The following FOXP2 variants were observed in gnomAD, a reference collection of about 807,000 sequenced individuals.
FOXP2 encodes forkhead box P2, also known as forkhead box protein P2.
Under a neutral mutation model 115.8 loss-of-function variants are expected in FOXP2, and 12 were observed. The observed-to-expected ratio is 0.10, with a 90% CI of 0.07 to 0.17. FOXP2 has a LOEUF of 0.17. Among genes scored for constraint, FOXP2 ranks in the 10% least tolerant of loss-of-function variants. The pLI is 1.00. For missense variants in FOXP2, 629 were observed against 843.5 expected, an observed-to-expected ratio of 0.75 and a Z score of 3.15; for synonymous variants, 328 against 297.7, an observed-to-expected ratio of 1.10 and a Z score of -1.05.
intron 2 of FOXP2, among the ~76,000 whole-genome samples, chr7:114,400,723 G>A (rs1792867233): frequency 6.6e-6 from 1 of 152,028 alleles, no homozygotes; most frequent in African/African-American, 2.4e-5. Context: ...TTCACAATAG[G>A]GTTCACGTTC....
intron 2 of FOXP2, among the ~76,000 whole-genome samples, chr7:114,334,087 C>T (rs1797780612): frequency 6.6e-6 from 1 of 151,976 alleles, no homozygotes; most frequent in South Asian, 2.1e-4. Context: ...ATTTTTAAGT[C>T]TTGCATTGTA....
chr7:114,348,340 C>G (rs1224804840), intron 2 of FOXP2, among the ~76,000 whole-genome samples: 1 of 151,788 alleles, frequency 6.6e-6, no homozygotes, highest in Non-Finnish European at 1.5e-5. Flanking sequence ...TACTGTCTTT[C>G]CTCTACCTTC....
intron 2 of FOXP2, among the ~76,000 whole-genome samples, chr7:114,346,841 A>G (rs1462393124): frequency 2.0e-5 from 3 of 151,966 alleles, no homozygotes; most frequent in Non-Finnish European, 4.4e-5. Context: ...GGACAAAGCT[A>G]CAATGAGGAG....
rs180935816 is a variant in FOXP2 at position 114,601,114 on chromosome 7, C to A, written c.259-27426C>A. Among the ~76,000 whole-genome samples, 204 of 152,162 alleles carry A rather than the reference C, an allele frequency of 1.3e-3. 1 individual carries two copies. Among genetic ancestry groups the A allele is most frequent in the Non-Finnish European group, 2.0e-3 (133 of 67,996 alleles). On this transcript the variant is annotated intron_variant, in intron 3 of 16. Transcript: ENST00000350908. ...AAGTAGCTAGGATTACAAAAATGTG[C>A]ACCAGCACAACCAGCTAATTTTTGT...
chr7:114,276,233 G>T (rs757389618), intron 1 of FOXP2, among the ~76,000 whole-genome samples: 1 of 151,580 alleles, frequency 6.6e-6, no homozygotes, highest in Non-Finnish European at 1.5e-5. Flanking sequence ...ATCTCGGCTC[G>T]CTGTGAGCTC....
chr7:114,236,484 T>G lies in FOXP2; in HGVS notation c.-101-51535T>G, dbSNP rs1795009129. On this transcript the variant is annotated intron_variant, in intron 1 of 17. Coordinates refer to the FOXP2 transcript ENST00000634411. Reference sequence around the variant, plus strand: ...TCTGCCTAATATCATGTGATGCTTTTCTTCTACTTCGAATTGTAAATGTAT... The same window carrying G: ...TCTGCCTAATATCATGTGATGCTTTGCTTCTACTTCGAATTGTAAATGTAT... Among the ~76,000 whole-genome samples, 3 of 152,366 alleles carry G rather than the reference T, an allele frequency of 2.0e-5. No homozygotes were observed. The South Asian group carries it at 6.2e-4, about 32-fold the overall frequency.
chr7:114,693,152 A>C lies in FOXP2; in HGVS notation c.*3226A>C, dbSNP rs1197091436. On this transcript the variant is annotated 3_prime_UTR_variant, in exon 17 of 17. Transcript: ENST00000350908. Reference sequence around the variant, plus strand: ...GGCACAGTTGTACTATTTGAAAATCAATTAAAATTTTATGTGAATGTTACA... The same window carrying C: ...GGCACAGTTGTACTATTTGAAAATCCATTAAAATTTTATGTGAATGTTACA... 2 of 453,812 alleles carry C rather than the reference A, an allele frequency of 4.4e-6. No homozygotes were observed. The highest frequency in any genetic ancestry group is 4.7e-5 in the Admixed American group (2 of 42,548). The allele number at this position is 453,812 out of a possible 1,614,324, so 28.1% of individuals were successfully genotyped here.
intron 2 of FOXP2, among the ~76,000 whole-genome samples, chr7:114,373,320 G>T (rs1427353698): frequency 1.3e-5 from 2 of 151,954 alleles, no homozygotes; most frequent in African/African-American, 4.8e-5. Flanking sequence ...GCGCCCAGCC[G>T]AATCAAACTA....
chr7:114,458,211 T>C (rs1795403566), intron 2 of FOXP2, among the ~76,000 whole-genome samples: 1 of 152,122 alleles, frequency 6.6e-6, no homozygotes, highest in African/African-American at 2.4e-5. Context: ...AGAAAGGGAA[T>C]GTGTTGTTAA....
intron 1 of FOXP2, among the ~76,000 whole-genome samples, chr7:114,106,358 C>CTTTTT (rs199504822): frequency 1.4e-5 from 2 of 141,904 alleles, no homozygotes; most frequent in East Asian, 2.0e-4. Context: ...CTGTCCCCTC[C>CTTTTT]TTTTTTTTTT....
At chr7:114,393,438 A>T (rs1792657757) in intron 2 of FOXP2, among the ~76,000 whole-genome samples, 2 of 152,200 alleles carry the variant, frequency 1.3e-5, no homozygotes, top group South Asian at 4.2e-4. Flanking sequence ...AGGTGTATAC[A>T]AATGAGAGAT....
At chr7:114,246,475 T>G (rs1334416585) in intron 1 of FOXP2, among the ~76,000 whole-genome samples, 3 of 152,164 alleles carry the variant, frequency 2.0e-5, no homozygotes, top group Non-Finnish European at 2.9e-5. Context: ...ATTTATTAAT[T>G]TATTGTCCAG....
intron 2 of FOXP2, among the ~76,000 whole-genome samples, chr7:114,294,142 C>T (rs1796678086): frequency 6.6e-6 from 1 of 152,086 alleles, no homozygotes; most frequent in South Asian, 2.1e-4. Context: ...TTTAGATTCA[C>T]CTGGAATACT....
chr7:114,103,024 C>G (rs1309543935), intron 1 of FOXP2, among the ~76,000 whole-genome samples: 1 of 151,932 alleles, frequency 6.6e-6, no homozygotes, highest in African/African-American at 2.4e-5. Flanking sequence ...GTACAATGAC[C>G]AGCTGAATCT....
In FOXP2 at chr7:114,252,887, G is replaced by C. The variant is rs573596114; in HGVS notation, c.-101-35132G>C. Among the ~76,000 whole-genome samples, 75 of 152,012 alleles carry C rather than the reference G, an allele frequency of 4.9e-4. 1 individual carries two copies. The highest frequency in any genetic ancestry group is 3.4e-3 in the Middle Eastern group (1 of 294). On this transcript the variant is annotated intron_variant, in intron 1 of 17. Coordinates refer to the FOXP2 transcript ENST00000634411. The stretch of plus-strand genomic sequence containing the variant: ...CTAGTTCTTTTAATTGTGATGTTAG[G>C]GTGTCAATTTTAGATCTTTCCTGCT...
intron 1 of FOXP2, among the ~76,000 whole-genome samples, chr7:114,192,006 C>T (rs1793772006): frequency 6.6e-6 from 1 of 152,064 alleles, no homozygotes; most frequent in Non-Finnish European, 1.5e-5. Flanking sequence ...AGTTGGAATA[C>T]TATATACTGT....
intron 1 of FOXP2, among the ~76,000 whole-genome samples, chr7:114,089,726 C>A (rs761237061): frequency 2.0e-5 from 3 of 151,776 alleles, no homozygotes; most frequent in African/African-American, 7.3e-5. Context: ...TTGTATGTGG[C>A]ACACCATAAA....
chr7:114,173,985 T>A (rs1793219889), intron 1 of FOXP2, among the ~76,000 whole-genome samples: 1 of 151,786 alleles, frequency 6.6e-6, no homozygotes, highest in Non-Finnish European at 1.5e-5. Context: ...AAGTTTTGCA[T>A]GTGAAAAAAA....
chr7:114,115,647 C>T (rs1791385266), intron 1 of FOXP2, among the ~76,000 whole-genome samples: 1 of 152,144 alleles, frequency 6.6e-6, no homozygotes, highest in African/African-American at 2.4e-5. Context: ...TCAGATGCAG[C>T]TTCCTCGTGG....
Sources: allele counts gnomAD v4.1 joint callset (sites outside exome capture counted in the v4.1 genomes callset), GRCh38; gene constraint gnomAD v4.1.1; transcripts MANE v1.5; gene names NCBI Gene and HGNC (gene_info 2026-07-23, HGNC 2026-07-21).